KIF13A: variants seen among roughly 807,000 people sequenced by gnomAD.
KIF13A encodes the protein kinesin family member 13A, also known as kinesin-like protein KIF13A.
Under a neutral mutation model 212.2 loss-of-function variants are expected in KIF13A, and 79 were observed. The observed-to-expected ratio is 0.37, with a 90% CI of 0.31 to 0.45. The LOEUF is 0.45. Ranked by LOEUF, KIF13A falls within the 20% of genes least tolerant of loss-of-function variation. The pLI is 1.00. For synonymous variants in KIF13A, 789 were observed against 808.6 expected (o/e 0.98, Z 0.41); for missense variants, 1,901 against 2,209.0 (o/e 0.86, Z 2.79).
Position 17,764,571 on chromosome 6 carries a change from T to C in KIF13A, c.4957A>G (p.Thr1653Ala). 3 of 1,613,960 alleles carry C rather than the reference T, an allele frequency of 1.9e-6. No homozygotes were observed. Among genetic ancestry groups the C allele is most frequent in the Non-Finnish European group, 2.5e-6 (3 of 1,179,862 alleles). ...TTTACCAAGCCTTTTTCGACTTCTGTCAACTCTTTGTTTGAGGACGGCCTG... is the reference window on the plus strand; with the variant it reads ...TTTACCAAGCCTTTTTCGACTTCTGCCAACTCTTTGTTTGAGGACGGCCTG... ...DFRPSSNKELTEVEKGLVKDK... is the reference protein window; with the variant it reads ...DFRPSSNKELAEVEKGLVKDK... The change falls in exon 39 of 39, where the codon ACA becomes GCA. Residue 1653 changes from threonine (T) to alanine (A), a missense_variant. Physicochemically the swap from Thr to Ala is moderately conservative, Grantham distance 58. Coordinates refer to ENST00000259711, the MANE Select transcript of KIF13A (RefSeq NM_022113.6). The surrounding 1 kb of genome is among the most constrained non-coding windows in gnomAD (Gnocchi z 5.1).
rs1763279657 is a variant in KIF13A at position 17,809,810 on chromosome 6, T to G, written c.2001-880A>C. Among the ~76,000 whole-genome samples the G allele has an allele frequency of 6.6e-6, 1 of 152,232 alleles. No individual in the cohort carries two copies. Among genetic ancestry groups the G allele is most frequent in the Non-Finnish European group, 1.5e-5 (1 of 68,044 alleles). On this transcript the variant is annotated intron_variant, in intron 17 of 38. Transcript: ENST00000259711. The surrounding 1 kb of genome is among the most constrained non-coding windows in gnomAD (Gnocchi z 4.7). ...TCCACCATTTATACGCCGCAGGAAA[T>G]GCTTACATCATAGAAAAATAATGAA... is the stretch of plus-strand genomic sequence containing the variant.
rs775025708 is a variant in KIF13A at position 17,805,546 on chromosome 6, T to C, written c.2233A>G (p.Ile745Val). 9 of 1,613,648 alleles carry C rather than the reference T, an allele frequency of 5.6e-6. No individual in the cohort carries two copies. In the African/African-American group the frequency reaches 6.7e-5, roughly 12 times the overall value. The stretch of plus-strand genomic sequence containing the variant: ...ATTAATTTATTCTCCAGCTTCTCAA[T>C]GGTCCACACTTGGGTGCTCTTTCCT... ...RKGKSTQVWT[I>V]EKLENKLIDM... The change falls in exon 19 of 39, where the codon ATT (isoleucine) becomes GTT (valine). Residue 745 changes from isoleucine (I) to valine (V), a missense_variant. By Grantham distance (29) the Ile-to-Val change is conservative. This residue lies in a region of KIF13A where 534 missense variants were observed against 536.9 expected (regional missense o/e 0.99). Coordinates refer to ENST00000259711, the MANE Select transcript of KIF13A (RefSeq NM_022113.6).
rs1053071794 is a variant in KIF13A, at chr6:17,968,317, C to T, written c.146+18737G>A. Among the ~76,000 whole-genome samples, 3 of 152,182 alleles carry T rather than the reference C, an allele frequency of 2.0e-5. No individual in the cohort carries two copies. The East Asian group carries it at 5.8e-4, about 29-fold the overall frequency. Reference sequence around the variant, plus strand: ...CTCCAGGTGGAGCTGGAGGAAGAGGCCCTGGCAATCTACCAGTACCTCTCC... The same window carrying T: ...CTCCAGGTGGAGCTGGAGGAAGAGGTCCTGGCAATCTACCAGTACCTCTCC... On this transcript the variant is annotated intron_variant, in intron 2 of 38. Coordinates refer to ENST00000259711, the MANE Select transcript of KIF13A (RefSeq NM_022113.6). This position sits in a 1 kb window ranked among gnomAD's most constrained non-coding sequence, Gnocchi z 4.7.
intron 13 of KIF13A, among the ~76,000 whole-genome samples, chr6:17,830,790 C>T (rs1220189568): frequency 3.3e-5 from 5 of 152,102 alleles, no homozygotes; most frequent in African/African-American, 1.2e-4. Context: ...CACAGATATT[C>T]CCAGAATCCT....
chr6:17,809,393 G>C lies in KIF13A; in HGVS notation c.2001-463C>G, dbSNP rs1255562185. On this transcript the variant is annotated intron_variant, in intron 17 of 38. Transcript: ENST00000259711. This position sits in a 1 kb window ranked among gnomAD's most constrained non-coding sequence, Gnocchi z 4.7. ...TGGTAAGGTAGTTCTGCAGTAGCAG[G>C]AATTCTTCGTTTCAACTCTCTGTAC... is the stretch of plus-strand genomic sequence containing the variant. 6.6e-6 allele frequency among the ~76,000 whole-genome samples: 1 copy of C among 152,128 alleles called. No individual in the cohort carries two copies. Among genetic ancestry groups the C allele is most frequent in the Non-Finnish European group, 1.5e-5 (1 of 68,030 alleles).
intron 2 of KIF13A, among the ~76,000 whole-genome samples, chr6:17,957,042 G>A (rs1778406983): frequency 6.6e-6 from 1 of 152,096 alleles, no homozygotes; most frequent in African/African-American, 2.4e-5. Context: ...CACCATGCCT[G>A]GCTAATTTCC....
Position 17,919,823 on chromosome 6 carries a change from T to A in KIF13A, c.147-21643A>T, listed in dbSNP as rs1983574. The stretch of plus-strand genomic sequence containing the variant: ...AAAATAATGGATGCTCATGATGACA[T>A]CCAGCAGCCTCTGGCTCTGCTACGA... On this transcript the variant is annotated intron_variant, in intron 2 of 38. Transcript: ENST00000259711. This position sits in a 1 kb window ranked among gnomAD's most constrained non-coding sequence, Gnocchi z 4.1. 0.51 allele frequency among the ~76,000 whole-genome samples: 76,911 copies of A among 151,978 alleles called. 20,888 individuals carry two copies. Among genetic ancestry groups the A allele is most frequent in the Non-Finnish European group, 0.61 (41,657 of 67,962 alleles).
chr6:17,812,397 A>G (rs1159159324), intron 17 of KIF13A: 3 of 151,970 alleles, frequency 2.0e-5, no homozygotes, highest in Non-Finnish European at 4.4e-5. Flanking sequence ...GGTTCCCATG[A>G]TTTAGCTCTC....
intron 18 of KIF13A, among the ~76,000 whole-genome samples, chr6:17,808,117 T>G (rs1414390409): frequency 6.6e-6 from 1 of 152,214 alleles, no homozygotes; most frequent in Non-Finnish European, 1.5e-5. Context: ...CTGGGCACAG[T>G]GGCTCACGCC....
intron 17 of KIF13A, among the ~76,000 whole-genome samples, chr6:17,814,931 G>A (rs1763792070): frequency 6.6e-6 from 1 of 152,218 alleles, no homozygotes. Context: ...AGAGATAGAA[G>A]AAAAGACAGC....
chr6:17,780,769 T>C lies in KIF13A; in HGVS notation c.3807A>G (p.Val1269=), dbSNP rs1467676175. 1 of 1,614,050 alleles carries C rather than the reference T, an allele frequency of 6.2e-7. No individual in the cohort carries two copies. The highest frequency in any genetic ancestry group is 8.5e-7 in the Non-Finnish European group (1 of 1,179,896). Residue 1269 remains valine, a synonymous_variant, in exon 31 of 39, where the codon GTA becomes GTG. Transcript: ENST00000259711. ...TATTGGCTGCAATTCGTTTTCGTAA[T>C]ACTAACTCCATAGCAGCAGGGTGGC... is the stretch of plus-strand genomic sequence containing the variant. The part of the protein sequence containing the change: ...QLSHPAAMEL[V]LRKRIAANIY...
In KIF13A at chr6:17,773,684, T is replaced by C. The variant is rs920334114; in HGVS notation, c.4219-101A>G. ...TCTGTTTTTTTTTAATGGCAGCATATGCTCTTCTTTATTTTTATTATGATT... is the reference window on the plus strand; with the variant it reads ...TCTGTTTTTTTTTAATGGCAGCATACGCTCTTCTTTATTTTTATTATGATT... On this transcript the variant is annotated intron_variant, in intron 35 of 38. Transcript: ENST00000259711. This position sits in a 1 kb window ranked among gnomAD's most constrained non-coding sequence, Gnocchi z 4.2. 3 of 555,128 alleles carry C rather than the reference T, an allele frequency of 5.4e-6. No individual in the cohort carries two copies. The highest frequency in any genetic ancestry group is 9.5e-6 in the Non-Finnish European group (3 of 314,234). The allele number at this position is 555,128 out of a possible 1,614,324, so 34.4% of individuals were successfully genotyped here.
intron 9 of KIF13A, among the ~76,000 whole-genome samples, chr6:17,847,044 TG>T (rs1474776523): frequency 6.6e-6 from 1 of 152,204 alleles, no homozygotes; most frequent in Non-Finnish European, 1.5e-5. Flanking sequence ...ACATTGCATA[TG>T]GAGCATTCAG....
chr6:17,804,811 TAAAAAAAAAAAAAAAA>T lies in KIF13A; in HGVS notation c.2305-317_2305-302del, dbSNP rs56785510. On this transcript the variant is annotated intron_variant, in intron 19 of 38. Transcript: ENST00000259711. ...TGACAGAGCGAGACTCTGTCTCCAT[TAAAAAAAAAAAAAAAA>T]AAAAAAAAAAAAAAAAAAGAATTAG... Among the ~76,000 whole-genome samples the T allele has an allele frequency of 6.0e-3, 140 of 23,306 alleles. 1 individual carries two copies. The highest frequency in any genetic ancestry group is 0.014 in the African/African-American group (125 of 8,844). 15.3% of individuals were successfully genotyped at this position (23,306 alleles called of 152,430 possible). A position where few individuals can be genotyped will look rare whatever the true frequency, so the allele number is the denominator to read the frequency against.
intron 17 of KIF13A, among the ~76,000 whole-genome samples, chr6:17,813,834 A>G (rs2150350313): frequency 6.6e-6 from 1 of 152,184 alleles, no homozygotes; most frequent in South Asian, 2.1e-4. Context: ...TTAACCTCTC[A>G]GCCTGAGTTT....
chr6:17,835,876 T>C (rs201409180), intron 11 of KIF13A, among the ~76,000 whole-genome samples: 3 of 147,602 alleles, frequency 2.0e-5, no homozygotes, highest in East Asian at 3.9e-4. Flanking sequence ...GTGTTTTTCT[T>C]TCTTTCTTTT....
chr6:17,821,601 G>T (rs1337296512), intron 16 of KIF13A, among the ~76,000 whole-genome samples: 1 of 150,758 alleles, frequency 6.6e-6, no homozygotes, highest in Non-Finnish European at 1.5e-5. Flanking sequence ...GGGGTGGGGT[G>T]TTCATAATTG....
rs764406869 is a variant in KIF13A at position 17,828,265 on chromosome 6, T to A, written c.1507A>T (p.Thr503Ser). ...EIDIASDGDV[T>S]LTPKENARSC... ...CTTGCATTTTCTTTTGGAGTGAGAGTGACGTCTCCATCAGATGCAATGTCA... is the reference window on the plus strand; with the variant it reads ...CTTGCATTTTCTTTTGGAGTGAGAGAGACGTCTCCATCAGATGCAATGTCA... Residue 503 changes from threonine to serine, a missense_variant, in exon 14 of 39, where the codon ACT becomes TCT. Coordinates refer to ENST00000259711, the MANE Select transcript of KIF13A (RefSeq NM_022113.6). This position sits in a 1 kb window ranked among gnomAD's most constrained non-coding sequence, Gnocchi z 4.3. 1 of 1,610,138 alleles carries A rather than the reference T, an allele frequency of 6.2e-7. No homozygotes were observed. The highest frequency in any genetic ancestry group is 1.1e-5 in the South Asian group (1 of 90,198).
In KIF13A at chr6:17,771,363, TA is replaced by T; in HGVS notation, c.4477-146del. 2 of 610,764 alleles carry T rather than the reference TA, an allele frequency of 3.3e-6. No homozygotes were observed. The highest frequency in any genetic ancestry group is 5.9e-6 in the Non-Finnish European group (2 of 339,902). The allele number at this position is 610,764 out of a possible 1,614,324, so 37.8% of individuals were successfully genotyped here. On this transcript the variant is annotated intron_variant, in intron 37 of 38. Coordinates refer to ENST00000259711, the MANE Select transcript of KIF13A (RefSeq NM_022113.6). This position sits in a 1 kb window ranked among gnomAD's most constrained non-coding sequence, Gnocchi z 5.4. Reference sequence around the variant, plus strand: ...AGCAGCCAATTCTGCAGGCCAGAGTTAAACTACTGGAGAGATATGACAGGAA... The same window carrying T: ...AGCAGCCAATTCTGCAGGCCAGAGTTAACTACTGGAGAGATATGACAGGAA...
Sources: gnomAD v4.1 joint callset for allele counts (sites outside exome capture counted in the v4.1 genomes callset) on GRCh38, gnomAD v4.1.1 for gene constraint, gnomAD v4.1.1 regional missense constraint, Gnocchi (gnomAD v3.1) non-coding constraint, MANE v1.5 for transcripts, NCBI Gene and HGNC (gene_info 2026-07-23, HGNC 2026-07-21) for gene names.